Variants in SEPTIN3 observed in about 807,000 individuals in gnomAD.
The protein encoded by SEPTIN3 is septin 3, also known as neuronal-specific septin-3.
SEPTIN3 carries 15 observed loss-of-function variants against 45.1 expected under a neutral mutation model. That is an observed-to-expected ratio of 0.33 (90% confidence interval 0.22 to 0.51). The LOEUF is 0.51. Ranked by LOEUF, SEPTIN3 falls within the 20% of genes least tolerant of loss-of-function variation. The probability of loss-of-function intolerance (pLI) is 0.97; values close to 1 mark genes in which losing one functional copy is unlikely to be tolerated. For synonymous variants in SEPTIN3, 148 were observed against 164.8 expected (o/e 0.90, Z 0.78); for missense variants, 289 against 457.2 (o/e 0.63, Z 3.35).
intron 3 of SEPTIN3, among the ~76,000 whole-genome samples, chr22:41,984,182 T>C (rs771979398): frequency 2.0e-5 from 3 of 152,170 alleles, no homozygotes; most frequent in Non-Finnish European, 4.4e-5. Context: ...CTTGTCCAAT[T>C]TCCTCTCTCC....
chr22:41,970,157 C>T lies in SEPTIN3; in HGVS notation c.-20+480C>T, dbSNP rs142350630. 4.6e-5 allele frequency among the ~76,000 whole-genome samples: 7 copies of T among 152,144 alleles called. 1 individual carries two copies. In the East Asian group the frequency reaches 9.7e-4, roughly 21 times the overall value. Reference sequence around the variant, plus strand: ...TGAGCCCTCTGGAACTGACTCCTCCCACCAGCCCTGGCCTTGTCCCCCAGC... The same window carrying T: ...TGAGCCCTCTGGAACTGACTCCTCCTACCAGCCCTGGCCTTGTCCCCCAGC... On this transcript the variant is annotated intron_variant, in intron 1 of 11. Transcript: ENST00000644076.
At chr22:41,996,160 T>C in intron 11 of SEPTIN3, 1 of 985,384 alleles carries the variant, frequency 1.0e-6, no homozygotes, top group Non-Finnish European at 1.2e-6. Context: ...CTGTAGACAT[T>C]CCCAATGATA....
chr22:41,988,014 C>A (rs186055594), intron 6 of SEPTIN3, among the ~76,000 whole-genome samples: 6 of 152,150 alleles, frequency 3.9e-5, no homozygotes, highest in Admixed American at 3.9e-4. Flanking sequence ...CCACTGGTGT[C>A]CCAGCAGCAT....
In SEPTIN3 at chr22:41,997,101, A is replaced by C; in HGVS notation, c.*134A>C. On this transcript the variant is annotated 3_prime_UTR_variant, in exon 12 of 12. Coordinates refer to ENST00000644076, the MANE Select transcript of SEPTIN3 (RefSeq NM_001363845.2). ...CAGCCCTCAGTAGGTGGGAGGGGCC[A>C]GCTGCCTCTTTAGGCCAGTTGCATC... 1 of 1,515,426 alleles carries C rather than the reference A, an allele frequency of 6.6e-7. No individual in the cohort carries two copies. The highest frequency in any genetic ancestry group is 1.2e-5 in the South Asian group (1 of 80,316). The allele number at this position is 1,515,426 out of a possible 1,614,324, so 93.9% of individuals were successfully genotyped here.
intron 2 of SEPTIN3, among the ~76,000 whole-genome samples, chr22:41,979,185 C>G (rs1228051954): frequency 2.6e-5 from 4 of 152,040 alleles, no homozygotes; most frequent in African/African-American, 9.7e-5. Flanking sequence ...TGTGGTAGCC[C>G]CTAGATGCTG....
Position 41,996,819 on chromosome 22 carries a change from G to A in SEPTIN3, c.2506-83G>A. Reference sequence around the variant, plus strand: ...GCCTGGCACCCCTGAACCATGATCTGAGCCTCCCTGGAGAAGGTATTTTAT... The same window carrying A: ...GCCTGGCACCCCTGAACCATGATCTAAGCCTCCCTGGAGAAGGTATTTTAT... On this transcript the variant is annotated intron_variant, in intron 11 of 11. Transcript: ENST00000644076. 2.5e-6 allele frequency: 4 copies of A among 1,587,382 alleles called. No homozygotes were observed. In the South Asian group the frequency reaches 4.5e-5, roughly 18 times the overall value.
Position 41,994,186 on chromosome 22 carries a change from C to T in SEPTIN3, c.2360-104C>T. On this transcript the variant is annotated intron_variant, in intron 9 of 11. Transcript: ENST00000644076. The surrounding 1 kb of genome is among the most constrained non-coding windows in gnomAD (Gnocchi z 4.2). ...TTACAAAAAATGACCTGTCCCATAG[C>T]TTTCTCCTAAATGCCTCCGTGACCC... 1 of 1,034,544 alleles carries T rather than the reference C, an allele frequency of 9.7e-7. No homozygotes were observed. Among genetic ancestry groups the T allele is most frequent in the South Asian group, 1.3e-5 (1 of 74,888 alleles). The allele number at this position is 1,034,544 out of a possible 1,614,324, so 64.1% of individuals were successfully genotyped here.
At chr22:41,987,824 A>G (rs1206151345) in intron 6 of SEPTIN3, 65 bp downstream of exon 6, 2 of 1,544,270 alleles carry the variant, frequency 1.3e-6, no homozygotes, top group Non-Finnish European at 1.8e-6. Context: ...GCCCATCTGG[A>G]TTGGATGATC....
In SEPTIN3 at chr22:41,972,775, C is replaced by T; in HGVS notation, c.1283C>T (p.Thr428Ile). Residue 428 changes from threonine to isoleucine, a missense_variant, in exon 2 of 12, where the codon ACA becomes ATA. Physicochemically the swap from Thr to Ile is moderately conservative, Grantham distance 89 (BLOSUM62 -1). Transcript: ENST00000644076. ...GCTAAGAATTCTCTTGCTTTGGACA[C>T]AAGCAGGATGGGCACAGCTGTGGGT... ...GTAKNSLALD[T>I]SRMGTAVGSV... The T allele has an allele frequency of 2.5e-6, 1 of 399,168 alleles. No homozygotes were observed. The highest frequency in any genetic ancestry group is 3.6e-5 in the East Asian group (1 of 28,080). The allele number at this position is 399,168 out of a possible 1,614,324, so 24.7% of individuals were successfully genotyped here. A position where few individuals can be genotyped will look rare whatever the true frequency, so the allele number is the denominator to read the frequency against.
chr22:41,972,572 G>C lies in SEPTIN3; in HGVS notation c.1080G>C (p.Leu360=), dbSNP rs1602408350. The stretch of plus-strand genomic sequence containing the variant: ...TGATAGCCTCAGAACCAGACAAGCT[G>C]GGCAAAGCCATGGCTACAAGAAGCA... ...MDLIASEPDK[L]GKAMATRSTA... The change falls in exon 2 of 12, where the codon CTG becomes CTC. Residue 360 remains leucine, a synonymous_variant. Transcript: ENST00000644076. 3 of 399,150 alleles carry C rather than the reference G, an allele frequency of 7.5e-6. No homozygotes were observed. The East Asian group carries it at 1.1e-4, about 14-fold the overall frequency. 24.7% of individuals were successfully genotyped at this position (399,150 alleles called of 1,614,324 possible). A position where few individuals can be genotyped will look rare whatever the true frequency, so the allele number is the denominator to read the frequency against.
At position 41,989,703 on chromosome 22, in the gene SEPTIN3, T is replaced by G. The variant is rs375724125; in HGVS notation, c.2163+19T>G. 1.5e-5 allele frequency: 22 copies of G among 1,492,308 alleles called. No homozygotes were observed. The African/African-American group carries it at 2.9e-4, about 20-fold the overall frequency. 92.4% of individuals were successfully genotyped at this position (1,492,308 alleles called of 1,614,324 possible). On this transcript the variant is annotated intron_variant, in intron 7 of 11. Transcript: ENST00000644076. ...GCAAAGGGTGAGAAGGCCCCCTGTC[T>G]TCTTTTCCTGTTCCCATCCCCTCCT... is the stretch of plus-strand genomic sequence containing the variant.
Position 41,969,478 on chromosome 22 carries a change from T to C in SEPTIN3, c.-219T>C, listed in dbSNP as rs1165722410. Reference sequence around the variant, plus strand: ...CCAGCACGGTCTCCGGGGATGTAGCTGGTGGGACAGTGAGCAGAGGGCTGG... The same window carrying C: ...CCAGCACGGTCTCCGGGGATGTAGCCGGTGGGACAGTGAGCAGAGGGCTGG... On this transcript the variant is annotated 5_prime_UTR_variant, in exon 1 of 12. Coordinates refer to ENST00000644076, the MANE Select transcript of SEPTIN3 (RefSeq NM_001363845.2). 2.6e-5 allele frequency: 4 copies of C among 152,136 alleles called. No individual in the cohort carries two copies. Among genetic ancestry groups the C allele is most frequent in the African/African-American group, 9.7e-5 (4 of 41,326 alleles). 9.4% of individuals were successfully genotyped at this position (152,136 alleles called of 1,614,324 possible).
chr22:41,977,749 C>G (rs962192918), intron 2 of SEPTIN3, among the ~76,000 whole-genome samples: 6 of 152,272 alleles, frequency 3.9e-5, no homozygotes, highest in Admixed American at 3.9e-4. Context: ...AAAGTACCCT[C>G]CCCCAGCTGC....
At chr22:41,979,017 T>G (rs2078078518) in intron 2 of SEPTIN3, among the ~76,000 whole-genome samples, 1 of 151,956 alleles carries the variant, frequency 6.6e-6, no homozygotes, top group Non-Finnish European at 1.5e-5. Flanking sequence ...TTGGGGCTGG[T>G]GGGTGGCTTG....
intron 7 of SEPTIN3, among the ~76,000 whole-genome samples, chr22:41,990,380 C>A (rs2078287225): frequency 6.6e-6 from 1 of 151,738 alleles, no homozygotes; most frequent in East Asian, 2.0e-4. Context: ...ATAAGCTCAG[C>A]CCTGTGCTGG....
intron 5 of SEPTIN3, among the ~76,000 whole-genome samples, 154 bp downstream of exon 5, chr22:41,987,441 GCTAA>G: frequency 1.3e-5 from 2 of 152,296 alleles, no homozygotes; most frequent in African/African-American, 2.4e-5. Context: ...CTCCACCCCT[GCTAA>G]CTAACCATCC....
chr22:41,996,029 C>T (rs2078429738), intron 11 of SEPTIN3: 2 of 985,248 alleles, frequency 2.0e-6, no homozygotes, highest in Admixed American at 1.2e-4. Flanking sequence ...TTCTCTGTTG[C>T]TCCATTTGCT....
intron 2 of SEPTIN3, 106 bp from the exon 3 acceptor site, chr22:41,981,539 C>T: frequency 2.1e-6 from 2 of 957,886 alleles, no homozygotes; most frequent in Non-Finnish European, 3.0e-6. Context: ...CCCTTCCAGG[C>T]CCAACTTTGT....
rs1229251088 is a variant in SEPTIN3 at position 41,976,873 on chromosome 22, C to G, written c.1504+3877C>G. The G allele has an allele frequency of 3.0e-5, 5 of 169,318 alleles. No individual in the cohort carries two copies. In the East Asian group the frequency reaches 9.7e-4, roughly 33 times the overall value. 10.5% of individuals were successfully genotyped at this position (169,318 alleles called of 1,614,324 possible). A position where few individuals can be genotyped will look rare whatever the true frequency, so the allele number is the denominator to read the frequency against. On this transcript the variant is annotated intron_variant, in intron 2 of 11. Coordinates refer to ENST00000644076, the MANE Select transcript of SEPTIN3 (RefSeq NM_001363845.2). The surrounding 1 kb of genome is among the most constrained non-coding windows in gnomAD (Gnocchi z 5.8). ...CGCCGAGCGAGCCGAGGCGAGGTCC[C>G]GGGGAGGGCGCGGCGGCGCGGGGCG...
Sources: allele counts gnomAD v4.1 joint callset (sites outside exome capture counted in the v4.1 genomes callset), GRCh38; gene constraint gnomAD v4.1.1; non-coding constraint Gnocchi (gnomAD v3.1); transcripts MANE v1.5; gene names NCBI Gene and HGNC (gene_info 2026-07-23, HGNC 2026-07-21).